Variants in NIBAN1 observed in about 807,000 individuals in gnomAD.
NIBAN1 encodes the protein protein Niban 1.
A neutral mutation model predicts 75.1 loss-of-function variants in NIBAN1; 81 were observed. The observed-to-expected ratio is 1.08, with a 90% CI of 0.90 to 1.30. The LOEUF (loss-of-function observed/expected upper bound fraction) is 1.30, where lower values mean the gene tolerates loss of function less well. Among genes scored for constraint, NIBAN1 ranks in the 50% most tolerant of loss-of-function variants. The probability of loss-of-function intolerance (pLI) is 0.00; values close to 1 mark genes in which losing one functional copy is unlikely to be tolerated. For missense variants in NIBAN1, 1,133 were observed against 1,128.1 expected, an observed-to-expected ratio of 1.00 and a Z score of -0.06; for synonymous variants, 436 against 424.8, an observed-to-expected ratio of 1.03 and a Z score of -0.32.
chr1:184,792,562 T>A lies in NIBAN1; in HGVS notation c.*2415A>T, dbSNP rs1304895203. 2.0e-5 allele frequency: 3 copies of A among 152,744 alleles called. No individual in the cohort carries two copies. The highest frequency in any genetic ancestry group is 7.2e-5 in the African/African-American group (3 of 41,474). The allele number at this position is 152,744 out of a possible 1,614,324, so 9.5% of individuals were successfully genotyped here. A position where few individuals can be genotyped will look rare whatever the true frequency, so the allele number is the denominator to read the frequency against. On this transcript the variant is annotated 3_prime_UTR_variant, in exon 14 of 14. Transcript: ENST00000367511. ...TTTGTGGGGCTGGGCACTGCCTCTT[T>A]GGCTTCCTGCCTTACTGGGCAGTGC...
At chr1:184,871,347 CAAAAAAA>C (rs10658216) in intron 5 of NIBAN1, among the ~76,000 whole-genome samples, 7 of 34,566 alleles carry the variant, frequency 2.0e-4, no homozygotes, top group Non-Finnish European at 4.7e-4. Context: ...AACTCTATCT[CAAAAAAA>C]AAAAAAAAAA....
At chr1:184,858,360 A>G (rs1249725424) in intron 5 of NIBAN1, among the ~76,000 whole-genome samples, 1 of 152,258 alleles carries the variant, frequency 6.6e-6, no homozygotes, top group Non-Finnish European at 1.5e-5. Context: ...AAAAAGAATG[A>G]ATAAATGAAT....
At chr1:184,970,918 T>G (rs539825135) in intron 1 of NIBAN1, among the ~76,000 whole-genome samples, 1 of 152,040 alleles carries the variant, frequency 6.6e-6, no homozygotes, top group Non-Finnish European at 1.5e-5. Context: ...GAAAACACAG[T>G]GTGGGGGGTT....
At chr1:184,796,471 C>T (rs1356628845) in intron 13 of NIBAN1, among the ~76,000 whole-genome samples, 1 of 152,172 alleles carries the variant, frequency 6.6e-6, no homozygotes, top group African/African-American at 2.4e-5. Context: ...GTTTGTCCAC[C>T]TGGACTGAAA....
chr1:184,916,540 A>ATG (rs916812031), intron 1 of NIBAN1, among the ~76,000 whole-genome samples: 13 of 152,030 alleles, frequency 8.6e-5, no homozygotes, highest in African/African-American at 1.9e-4. Context: ...TTGAATAATT[A>ATG]TGTGTGTGTG....
intron 1 of NIBAN1, among the ~76,000 whole-genome samples, chr1:184,963,637 A>G (rs1306844201): frequency 1.3e-5 from 2 of 152,222 alleles, no homozygotes; most frequent in African/African-American, 4.8e-5. Context: ...GGAAAATACA[A>G]TAGAAAAGAA....
chr1:184,961,711 A>G (rs557524061), intron 1 of NIBAN1, among the ~76,000 whole-genome samples: 2 of 152,292 alleles, frequency 1.3e-5, no homozygotes, highest in African/African-American at 4.8e-5. Flanking sequence ...TGATAATTCC[A>G]TACTCTTGCC....
At chr1:184,908,731 G>A (rs1344416657) in intron 1 of NIBAN1, among the ~76,000 whole-genome samples, 1 of 152,000 alleles carries the variant, frequency 6.6e-6, no homozygotes, top group Non-Finnish European at 1.5e-5. Flanking sequence ...AGATTATTTT[G>A]TCATTACCTC....
chr1:184,832,407 G>A (rs775221329), intron 5 of NIBAN1, among the ~76,000 whole-genome samples: 11 of 152,172 alleles, frequency 7.2e-5, no homozygotes, highest in Non-Finnish European at 1.6e-4. Flanking sequence ...AATACAATAT[G>A]CATCAACACA....
At chr1:184,955,191 A>C (rs1658452436) in intron 1 of NIBAN1, among the ~76,000 whole-genome samples, 1 of 152,078 alleles carries the variant, frequency 6.6e-6, no homozygotes, top group African/African-American at 2.4e-5. Context: ...GTGTATTTTA[A>C]ACTTGCATCA....
At chr1:184,901,014 C>T (rs1324369488) in intron 1 of NIBAN1, among the ~76,000 whole-genome samples, 2 of 152,118 alleles carry the variant, frequency 1.3e-5, no homozygotes, top group Non-Finnish European at 2.9e-5. Context: ...GTGAAGAGTT[C>T]TAACTACATA....
intron 1 of NIBAN1, among the ~76,000 whole-genome samples, chr1:184,908,552 G>A (rs1657161410): frequency 6.6e-6 from 1 of 152,128 alleles, no homozygotes; most frequent in Non-Finnish European, 1.5e-5. Context: ...AGAACTCTAA[G>A]ACCTTAAGTT....
In NIBAN1 at chr1:184,851,628, T is replaced by C. The variant is rs1253989273; in HGVS notation, c.602-19666A>G. 8.7e-5 allele frequency among the ~76,000 whole-genome samples: 2 copies of C among 22,922 alleles called. 1 individual carries two copies. The highest frequency in any genetic ancestry group is 2.0e-4 in the Non-Finnish European group (2 of 9,982). 15.0% of individuals were successfully genotyped at this position (22,922 alleles called of 152,430 possible). A position where few individuals can be genotyped will look rare whatever the true frequency, so the allele number is the denominator to read the frequency against. On this transcript the variant is annotated intron_variant, in intron 5 of 13. Coordinates refer to ENST00000367511, the MANE Select transcript of NIBAN1 (RefSeq NM_052966.4). ...ATGTACCCTAAAACTTAGAGTATAA[T>C]AAAAAAAAAAAAAATTAAAAAAAAA...
intron 1 of NIBAN1, among the ~76,000 whole-genome samples, chr1:184,927,433 T>A (rs961321613): frequency 6.6e-6 from 1 of 152,178 alleles, no homozygotes; most frequent in Non-Finnish European, 1.5e-5. Flanking sequence ...TGGTCTTGGA[T>A]AAGATCCAGA....
chr1:184,941,527 G>A (rs1193640094), intron 1 of NIBAN1, among the ~76,000 whole-genome samples: 1 of 151,984 alleles, frequency 6.6e-6, no homozygotes, highest in Admixed American at 6.6e-5. Context: ...GCACCTGCTT[G>A]TAGTCCCAGC....
chr1:184,841,392 G>A (rs1294761378), intron 5 of NIBAN1, among the ~76,000 whole-genome samples: 1 of 152,186 alleles, frequency 6.6e-6, no homozygotes, highest in African/African-American at 2.4e-5. Flanking sequence ...ACAGGAACAA[G>A]AATGGTCACA....
chr1:184,822,449 C>T (rs1654729367), intron 8 of NIBAN1, among the ~76,000 whole-genome samples: 1 of 152,218 alleles, frequency 6.6e-6, no homozygotes, highest in South Asian at 2.1e-4. Context: ...ACAGACAATA[C>T]ATAAATGAAT....
intron 6 of NIBAN1, among the ~76,000 whole-genome samples, chr1:184,831,053 G>T (rs192253991): frequency 1.3e-5 from 2 of 151,664 alleles, no homozygotes; most frequent in East Asian, 3.9e-4. Flanking sequence ...AAATATGCCC[G>T]TACCCAGCCT....
chr1:184,898,426 C>A (rs970783162), intron 2 of NIBAN1, among the ~76,000 whole-genome samples: 1 of 152,020 alleles, frequency 6.6e-6, no homozygotes, highest in Admixed American at 6.6e-5. Context: ...ACCAGCCTGG[C>A]CAACATGGTG....
Sources: gnomAD v4.1 joint callset for allele counts (sites outside exome capture counted in the v4.1 genomes callset) on GRCh38, gnomAD v4.1.1 for gene constraint, MANE v1.5 for transcripts, NCBI Gene and HGNC (gene_info 2026-07-23, HGNC 2026-07-21) for gene names.